Variants in TET3 observed in about 807,000 individuals in gnomAD.
TET3 encodes tet methylcytosine dioxygenase 3.
Under a neutral mutation model 141.4 loss-of-function variants are expected in TET3, and 19 were observed. The ratio of observed to expected loss-of-function variants is 0.13; its 90% CI spans 0.09 to 0.20. The LOEUF (loss-of-function observed/expected upper bound fraction) is 0.20, where lower values mean the gene tolerates loss of function less well. Ranked by LOEUF, TET3 falls within the 10% of genes least tolerant of loss-of-function variation. The pLI is 1.00. For missense variants in TET3, 1,874 were observed against 2,356.9 expected (o/e 0.80, Z 4.24); for synonymous variants, 1,043 against 980.9 (o/e 1.06, Z -1.18).
chr2:74,080,060 G>A (rs1689720526), intron 5 of TET3, among the ~76,000 whole-genome samples: 1 of 152,172 alleles, frequency 6.6e-6, no homozygotes, highest in Non-Finnish European at 1.5e-5. Flanking sequence ...ATGTCATCTA[G>A]GGATTATTCA....
chr2:74,097,592 G>A (rs1215074692), intron 10 of TET3, among the ~76,000 whole-genome samples: 4 of 152,192 alleles, frequency 2.6e-5, no homozygotes, highest in African/African-American at 7.2e-5. Flanking sequence ...CAGTCAGGAG[G>A]CAGAAGAGGA....
chr2:74,025,825 C>T (rs1301365502), intron 3 of TET3, among the ~76,000 whole-genome samples: 2 of 151,966 alleles, frequency 1.3e-5, no homozygotes, highest in East Asian at 3.8e-4. Flanking sequence ...TGTTTTTGGC[C>T]AGGCGCTGTG....
chr2:74,073,168 GGGAAGTAGCTTGCTGACCCCT>G (rs1244136709), intron 4 of TET3, among the ~76,000 whole-genome samples: 3 of 152,194 alleles, frequency 2.0e-5, no homozygotes, highest in Non-Finnish European at 4.4e-5. Flanking sequence ...GCTCACTGGA[GGGAAGTAGCTTGCTGACCCCT>G]GGTCTTGAGT....
At chr2:74,094,044 G>A (rs934390423) in intron 10 of TET3, among the ~76,000 whole-genome samples, 2 of 152,236 alleles carry the variant, frequency 1.3e-5, no homozygotes, top group African/African-American at 4.8e-5. Context: ...CTGTGCCCAG[G>A]CACTGCTCTG....
intron 4 of TET3, among the ~76,000 whole-genome samples, chr2:74,065,230 T>G (rs568975916): frequency 2.0e-5 from 3 of 152,350 alleles, no homozygotes; most frequent in Non-Finnish European, 4.4e-5. Context: ...GAAAATGAAG[T>G]GAATAGTCAC....
At chr2:74,110,990 A>C (rs1341125071), downstream of TET3, among the ~76,000 whole-genome samples, 1 of 152,100 alleles carries the variant, frequency 6.6e-6, no homozygotes, top group Non-Finnish European at 1.5e-5. Flanking sequence ...TCCTAGCTTG[A>C]AGGTCCATAC....
intron 3 of TET3, among the ~76,000 whole-genome samples, chr2:74,029,388 A>G (rs1379272508): frequency 1.3e-5 from 2 of 152,220 alleles, no homozygotes; most frequent in African/African-American, 2.4e-5. Flanking sequence ...GGAATATAGC[A>G]AACAGGAGAA....
chr2:74,002,585 G>T (rs1204822663), intron 2 of TET3: 1 of 324,310 alleles, frequency 3.1e-6, no homozygotes. Flanking sequence ...CTGCGCCCCC[G>T]CCTCCCGGCT....
At chr2:74,096,147 C>T (rs1573911811) in intron 10 of TET3, among the ~76,000 whole-genome samples, 2 of 152,316 alleles carry the variant, frequency 1.3e-5, no homozygotes, top group Middle Eastern at 3.4e-3. Flanking sequence ...GCTTCTGCCA[C>T]ATCTTATCTT....
At chr2:74,000,322 G>T (rs1684783818) in intron 2 of TET3, among the ~76,000 whole-genome samples, 1 of 152,194 alleles carries the variant, frequency 6.6e-6, no homozygotes, top group South Asian at 2.1e-4. Context: ...GCCTAGGAAA[G>T]TAGGGAAGAC....
rs969609519 is a variant in TET3 at position 73,986,620 on chromosome 2, A to G, written c.217A>G (p.Thr73Ala). ...GCGGCTGGAAAACTGTGGCGCTTGC[A>G]CTAGCTGTACCAACCGCCGCACGCA... ...CRRLENCGAC[T>A]SCTNRRTHQI... Residue 73 changes from threonine to alanine, a missense_variant, in exon 2 of 12, where the codon ACT (threonine) becomes GCT (alanine). Physicochemically the swap from Thr to Ala is moderately conservative, Grantham distance 58. Around this residue, in one of 10 missense-constraint regions of TET3, gnomAD observed 366 missense variants for 487.0 expected, o/e 0.75. Coordinates refer to ENST00000409262, the MANE Select transcript of TET3 (RefSeq NM_001287491.2). 10 of 1,232,164 alleles carry G rather than the reference A, an allele frequency of 8.1e-6. No homozygotes were observed. Among genetic ancestry groups the G allele is most frequent in the Non-Finnish European group, 8.1e-6 (8 of 987,976 alleles). The allele number at this position is 1,232,164 out of a possible 1,614,324, so 76.3% of individuals were successfully genotyped here.
At chr2:74,010,777 A>G (rs1193150982) in intron 3 of TET3, among the ~76,000 whole-genome samples, 3 of 152,238 alleles carry the variant, frequency 2.0e-5, no homozygotes, top group Non-Finnish European at 2.9e-5. Flanking sequence ...TTTATTGATC[A>G]ATACAGAGTT....
In TET3 at chr2:74,047,616, G is replaced by T; in HGVS notation, c.1699G>T (p.Val567Phe). ...PGWWPPPSSP[V>F]PRLPDRPPKE... Reference sequence around the variant, plus strand: ...CTGGTGGCCCCCACCAAGTTCACCTGTCCCACGGCTTCCAGACAGACCACC... The same window carrying T: ...CTGGTGGCCCCCACCAAGTTCACCTTTCCCACGGCTTCCAGACAGACCACC... The change falls in exon 4 of 12, where the codon GTC becomes TTC. Residue 567 changes from valine to phenylalanine, a missense_variant. Physicochemically the swap from Val to Phe is conservative, Grantham distance 50. Transcript: ENST00000409262. The T allele has an allele frequency of 6.2e-7, 1 of 1,613,750 alleles. No individual in the cohort carries two copies. Among genetic ancestry groups the T allele is most frequent in the Non-Finnish European group, 8.5e-7 (1 of 1,179,804 alleles).
intron 3 of TET3, among the ~76,000 whole-genome samples, chr2:74,003,428 T>G (rs915042701): frequency 4.0e-5 from 6 of 150,474 alleles, no homozygotes; most frequent in African/African-American, 9.8e-5. Context: ...TGAACTGTTT[T>G]TTTTTTTTTT....
chr2:74,022,660 T>C (rs1286421012), intron 3 of TET3, among the ~76,000 whole-genome samples: 1 of 152,206 alleles, frequency 6.6e-6, no homozygotes, highest in Non-Finnish European at 1.5e-5. Context: ...ATTAGGCAGG[T>C]ATAGGCCAGA....
At chr2:74,073,329 A>G (rs1007671611) in intron 4 of TET3, among the ~76,000 whole-genome samples, 3 of 152,048 alleles carry the variant, frequency 2.0e-5, no homozygotes, top group Non-Finnish European at 4.4e-5. Context: ...AGATTTTTAA[A>G]TTTTTGCCAA....
At position 74,012,996 on chromosome 2, in the gene TET3, TG is replaced by T. The variant is rs1455411854; in HGVS notation, c.360+9831del. ...GAATATACTATACTTGGTAATGGGG[TG>T]TTTTTTTTTTTTTTTTGAGACAGAG... On this transcript the variant is annotated intron_variant, in intron 3 of 11. Transcript: ENST00000409262. 5.5e-5 allele frequency among the ~76,000 whole-genome samples: 8 copies of T among 146,776 alleles called. No individual in the cohort carries two copies. The East Asian group carries it at 1.6e-3, about 29-fold the overall frequency.
chr2:74,079,173 C>T (rs1337035469), intron 5 of TET3, among the ~76,000 whole-genome samples: 3 of 152,130 alleles, frequency 2.0e-5, no homozygotes, highest in Non-Finnish European at 4.4e-5. Flanking sequence ...ATGGTGAAAC[C>T]CTGTCCTTAC....
Position 74,101,801 on chromosome 2 carries a change from G to A in TET3, c.5013G>A (p.Glu1671=). ...GSILIECARR[E]LHATTPLKKP... is the part of the protein sequence containing the mutation. ...TCCTCATCGAGTGTGCCCGGCGGGAGCTGCACGCCACCACGCCGCTTAAGA... is the reference window on the plus strand; with the variant it reads ...TCCTCATCGAGTGTGCCCGGCGGGAACTGCACGCCACCACGCCGCTTAAGA... Residue 1671 remains glutamate (E), a synonymous_variant, in exon 12 of 12, where the codon GAG becomes GAA. Transcript: ENST00000409262. The surrounding 1 kb of genome is among the most constrained non-coding windows in gnomAD (Gnocchi z 8.5). 1 of 1,613,000 alleles carries A rather than the reference G, an allele frequency of 6.2e-7. No homozygotes were observed. The highest frequency in any genetic ancestry group is 1.1e-5 in the South Asian group (1 of 91,074).
Sources: gnomAD v4.1 joint callset for allele counts (sites outside exome capture counted in the v4.1 genomes callset) on GRCh38, gnomAD v4.1.1 for gene constraint, gnomAD v4.1.1 regional missense constraint, Gnocchi (gnomAD v3.1) non-coding constraint, MANE v1.5 for transcripts, NCBI Gene and HGNC (gene_info 2026-07-23, HGNC 2026-07-21) for gene names.